Variants in MZT2B observed in about 807,000 individuals in gnomAD.
The protein encoded by MZT2B is mitotic spindle organizing protein 2B, also known as mitotic-spindle organizing protein 2B.
A neutral mutation model predicts 12.1 loss-of-function variants in MZT2B; 11 were observed. The observed-to-expected ratio is 0.91, with a 90% CI of 0.57 to 1.50. MZT2B has a LOEUF of 1.50. Among genes scored for constraint, MZT2B ranks in the 40% most tolerant of loss-of-function variants. The pLI, the probability that MZT2B is intolerant of heterozygous loss-of-function variation, is 0.00. For missense variants in MZT2B, 209 were observed against 227.7 expected, an observed-to-expected ratio of 0.92 and a Z score of 0.53; for synonymous variants, 85 against 109.5, an observed-to-expected ratio of 0.78 and a Z score of 1.40.
chr2:130,194,933 C>T, downstream of MZT2B: 1 of 1,453,662 alleles, frequency 6.9e-7, no homozygotes, highest in East Asian at 2.3e-5. Context: ...CTGCTTTAGC[C>T]TCTCAAAGTG....
chr2:130,195,724 A>C (rs981095340), downstream of MZT2B, among the ~76,000 whole-genome samples: 1 of 152,228 alleles, frequency 6.6e-6, no homozygotes, highest in African/African-American at 2.4e-5. Context: ...AAACTACCTC[A>C]GGCTGCGAAT....
the MZT2B span, chr2:130,196,275 C>A: frequency 1.2e-6 from 2 of 1,613,936 alleles, no homozygotes; most frequent in African/African-American, 2.7e-5. Context: ...GGCATTTGAC[C>A]ATCGGGCTGA....
At chr2:130,193,006 G>C (rs557966855), downstream of MZT2B, among the ~76,000 whole-genome samples, 34 of 151,116 alleles carry the variant, frequency 2.2e-4, no homozygotes, top group African/African-American at 7.5e-4. Flanking sequence ...AGGCAGAGAA[G>C]TGCTTGAACC....
At chr2:130,183,857 T>C (rs1401005553) in intron 2 of MZT2B, 15 of 1,550,658 alleles carry the variant, frequency 9.7e-6, no homozygotes, top group Non-Finnish European at 1.3e-5. Context: ...GCCCGCAGCC[T>C]GCGGCCTCTC....
downstream of MZT2B, chr2:130,194,568 G>C (rs956065759): frequency 4.0e-6 from 5 of 1,252,614 alleles, no homozygotes; most frequent in African/African-American, 7.5e-5. Flanking sequence ...AGTTGATATG[G>C]ATTCAAATCA....
chr2:130,183,181 G>C, intron 2 of MZT2B: 1 of 315,918 alleles, frequency 3.2e-6, no homozygotes, highest in Non-Finnish European at 5.9e-6. Flanking sequence ...TGGGTGACAG[G>C]GTGAGATCCT....
chr2:130,203,048 C>CTTTTTTTTTTTT, the MZT2B span, among the ~76,000 whole-genome samples: 239 of 118,440 alleles, frequency 2.0e-3, no homozygotes, highest in Non-Finnish European at 2.8e-3. Flanking sequence ...TTTCTTTTTT[C>CTTTTTTTTTTTT]TTTTTTTTTT....
At chr2:130,184,799 A>G (rs1476751947) in intron 2 of MZT2B, 1 of 985,296 alleles carries the variant, frequency 1.0e-6, no homozygotes. Context: ...AGCCAGGCCT[A>G]GCTCTCAGGG....
At chr2:130,181,853 G>C (rs779966397), upstream of MZT2B, 16 of 1,527,148 alleles carry the variant, frequency 1.0e-5, no homozygotes, top group African/African-American at 2.2e-4. Flanking sequence ...GTTGATTAGT[G>C]CCCCCCCCTT....
At chr2:130,201,141 C>T in the MZT2B span, among the ~76,000 whole-genome samples, 5 of 152,208 alleles carry the variant, frequency 3.3e-5, no homozygotes, top group African/African-American at 1.2e-4. Flanking sequence ...CCTTTGGGGA[C>T]CTCTGAACAG....
intron 2 of MZT2B, among the ~76,000 whole-genome samples, chr2:130,187,234 A>G (rs1277200337): frequency 6.6e-6 from 1 of 152,060 alleles, no homozygotes; most frequent in Non-Finnish European, 1.5e-5. Context: ...TCTGTCACCC[A>G]GGCTGGAGTG....
downstream of MZT2B, chr2:130,195,034 C>T: frequency 2.5e-6 from 4 of 1,604,628 alleles, no homozygotes; most frequent in East Asian, 2.2e-5. Flanking sequence ...CAAGAACTAC[C>T]CCTCCCATGC....
chr2:130,188,997 G>C (rs1481946794), intron 2 of MZT2B, among the ~76,000 whole-genome samples: 4 of 152,174 alleles, frequency 2.6e-5, no homozygotes. Flanking sequence ...TGGGTGTTCT[G>C]TTGGCTGAAC....
intron 2 of MZT2B, among the ~76,000 whole-genome samples, chr2:130,187,054 C>T (rs1325784193): frequency 6.7e-6 from 1 of 149,638 alleles, no homozygotes; most frequent in Non-Finnish European, 1.5e-5. Context: ...CCACCCATTT[C>T]TACAAAGAAA....
downstream of MZT2B, chr2:130,195,114 T>C (rs1392654688): frequency 1.9e-6 from 3 of 1,611,144 alleles, no homozygotes; most frequent in Admixed American, 5.0e-5. Context: ...AGGTCAACAA[T>C]CTCCTTGCCG....
chr2:130,185,421 C>A (rs142222414), intron 2 of MZT2B, among the ~76,000 whole-genome samples: 4,198 of 148,766 alleles, frequency 0.028, 164 homozygotes, highest in African/African-American at 0.09. Context: ...GGGATGTTGC[C>A]GTGAGCCAAG....
downstream of MZT2B, chr2:130,194,064 C>T (rs373548775): frequency 4.2e-5 from 67 of 1,614,144 alleles, 1 homozygote; most frequent in South Asian, 4.2e-4. Flanking sequence ...GGGTACGGCA[C>T]GAGGTTGGTC....
downstream of MZT2B, among the ~76,000 whole-genome samples, chr2:130,191,243 C>T (rs1374801441): frequency 2.0e-5 from 3 of 152,198 alleles, no homozygotes; most frequent in South Asian, 2.1e-4. Context: ...GCTGTGTGTG[C>T]GCACAGAGGG....
At chr2:130,182,254 C>G, upstream of MZT2B, 2 of 1,253,940 alleles carry the variant, frequency 1.6e-6, no homozygotes, top group Non-Finnish European at 2.0e-6. Context: ...CGCGGCGGGG[C>G]GGAGCGCACC....
Sources: allele counts gnomAD v4.1 joint callset (sites outside exome capture counted in the v4.1 genomes callset), GRCh38; gene constraint gnomAD v4.1.1; transcripts MANE v1.5; gene names NCBI Gene and HGNC (gene_info 2026-07-23, HGNC 2026-07-21).